ZNF519: variants seen among roughly 807,000 people sequenced by gnomAD.
The protein encoded by ZNF519 is zinc finger protein 519.
Under a neutral mutation model 7.4 loss-of-function variants are expected in ZNF519, and 7 were observed. The ratio of observed to expected loss-of-function variants is 0.94; its 90% confidence interval spans 0.54 to 1.77. ZNF519 has a LOEUF of 1.77. ZNF519 is among the 40% of genes most tolerant of loss of function. ZNF519 has a pLI of 0.00. For missense variants in ZNF519, 586 were observed against 623.1 expected, an observed-to-expected ratio of 0.94 and a Z score of 0.63; for synonymous variants, 179 against 203.3, an observed-to-expected ratio of 0.88 and a Z score of 1.02.
chr18:14,083,087 C>T (rs905817663), intron 3 of ZNF519, among the ~76,000 whole-genome samples: 6 of 152,288 alleles, frequency 3.9e-5, no homozygotes, highest in Admixed American at 6.5e-5. Context: ...CAGTGGCTCA[C>T]GCCTATAATC....
At chr18:14,109,168 A>C (rs1371609606) in intron 2 of ZNF519, among the ~76,000 whole-genome samples, 2 of 152,114 alleles carry the variant, frequency 1.3e-5, no homozygotes, top group South Asian at 4.1e-4. Context: ...AGAAGATATA[A>C]GAATGTTACA....
chr18:14,073,221 TG>T (rs1408793005), downstream of ZNF519: 1 of 151,738 alleles, frequency 6.6e-6, no homozygotes, highest in Non-Finnish European at 1.5e-5. Flanking sequence ...AAGAAAAGTT[TG>T]CATGGAAATT....
chr18:14,125,067 T>C (rs934784315), intron 1 of ZNF519, among the ~76,000 whole-genome samples: 5 of 152,108 alleles, frequency 3.3e-5, no homozygotes, highest in Non-Finnish European at 7.4e-5. Flanking sequence ...TTATAACAAG[T>C]CTCCTGTTAA....
chr18:14,106,409 G>A lies in ZNF519; in HGVS notation c.131C>T (p.Ala44Val). ...LENYRNLVSL[A>V]VYSYYNQGIL... ...GCCTTGGTTGTAATAAGAATACACA[G>A]CTGAAAGAAGTAAAAATAACTAATT... is the stretch of plus-strand genomic sequence containing the variant. Residue 44 changes from alanine to valine, a missense_variant and splice_region_variant, in exon 3 of 3, where the codon GCT becomes GTT. By Grantham distance (64) the Ala-to-Val change is moderately conservative (BLOSUM62 0). Transcript: ENST00000590202. 7.1e-6 allele frequency: 11 copies of A among 1,559,692 alleles called. No homozygotes were observed. The highest frequency in any genetic ancestry group is 4.5e-5 in the East Asian group (2 of 44,360).
intron 1 of ZNF519, among the ~76,000 whole-genome samples, chr18:14,131,512 T>C (rs1045365026): frequency 6.6e-6 from 1 of 152,166 alleles, no homozygotes; most frequent in Non-Finnish European, 1.5e-5. Flanking sequence ...ATTTGGAAAA[T>C]GCAGGCGAAA....
chr18:14,118,236 T>C (rs1465390739), intron 2 of ZNF519, among the ~76,000 whole-genome samples: 1 of 152,008 alleles, frequency 6.6e-6, no homozygotes, highest in African/African-American at 2.4e-5. Flanking sequence ...TTTTTTTTAT[T>C]TTTAATAGAG....
rs141337594 is a variant in ZNF519, at chr18:14,101,760, T to C, written c.*3157A>G. ...AGTGTCCATCAGTTCTTTGATGATG[T>C]TCTGTGTGGAGCTCTGCAAAGACAA... On this transcript the variant is annotated 3_prime_UTR_variant, in exon 3 of 3. Transcript: ENST00000590202. 3.1e-3 allele frequency: 1,236 copies of C among 398,674 alleles called. 3 individuals are homozygous for C. Among genetic ancestry groups the C allele is most frequent in the Non-Finnish European group, 4.6e-3 (1,034 of 226,112 alleles). The allele number at this position is 398,674 out of a possible 1,614,324, so 24.7% of individuals were successfully genotyped here.
At chr18:14,076,996 G>A (rs1485870839) in exon 5 of ZNF519, 2 of 151,956 alleles carry the variant, frequency 1.3e-5, no homozygotes, top group African/African-American at 2.4e-5. Flanking sequence ...ACACACTATC[G>A]AAGGCATGAA....
chr18:14,086,679 C>G (rs146568557), intron 2 of ZNF519, among the ~76,000 whole-genome samples: 175 of 152,262 alleles, frequency 1.1e-3, no homozygotes, highest in Non-Finnish European at 1.8e-3. Context: ...ACGTGCAAAC[C>G]CAGTGGGATG....
At chr18:14,077,872 C>A (rs1244416311) in intron 4 of ZNF519, among the ~76,000 whole-genome samples, 1 of 152,156 alleles carries the variant, frequency 6.6e-6, no homozygotes, top group Admixed American at 6.5e-5. Context: ...GAAATGGGAT[C>A]ATACAATAGA....
At chr18:14,076,629 G>A (rs2046048796) in exon 5 of ZNF519, 1 of 152,062 alleles carries the variant, frequency 6.6e-6, no homozygotes, top group Admixed American at 6.5e-5. Context: ...CTATGTAAAA[G>A]GGAAACTGGA....
downstream of ZNF519, among the ~76,000 whole-genome samples, chr18:14,095,909 C>G (rs545709509): frequency 5.1e-4 from 77 of 152,374 alleles, no homozygotes; most frequent in African/African-American, 1.8e-3. Flanking sequence ...CAACACAGCC[C>G]TGGGTGCTCT....
chr18:14,128,106 G>A (rs1450044632), intron 1 of ZNF519, among the ~76,000 whole-genome samples: 4 of 151,868 alleles, frequency 2.6e-5, no homozygotes, highest in South Asian at 4.2e-4. Flanking sequence ...TGGCGAACAC[G>A]GTGAAACCCC....
intron 2 of ZNF519, among the ~76,000 whole-genome samples, chr18:14,118,843 T>C (rs1237953887): frequency 1.3e-5 from 2 of 152,148 alleles, no homozygotes; most frequent in African/African-American, 4.8e-5. Context: ...GAAGCAGCCC[T>C]GTAACTCAGT....
rs1424547449 is a variant in ZNF519, at chr18:14,103,561, C to A, written c.*1356G>T. ...TCAGAGAAATTCATAGCAGTAAACA[C>A]CTACATTAAAAACAAACAATTTTAA... On this transcript the variant is annotated 3_prime_UTR_variant, in exon 3 of 3. Coordinates refer to ENST00000590202, the MANE Select transcript of ZNF519 (RefSeq NM_145287.4). The A allele has an allele frequency of 6.6e-6, 1 of 151,996 alleles. No individual in the cohort carries two copies. Among genetic ancestry groups the A allele is most frequent in the African/African-American group, 2.4e-5 (1 of 41,388 alleles). The allele number at this position is 151,996 out of a possible 1,614,324, so 9.4% of individuals were successfully genotyped here. A position where few individuals can be genotyped will look rare whatever the true frequency, so the allele number is the denominator to read the frequency against.
rs1355184273 is a variant in ZNF519 at position 14,125,825 on chromosome 18, C to T, written c.4-1349G>A. On this transcript the variant is annotated intron_variant, in intron 1 of 2. Coordinates refer to ENST00000590202, the MANE Select transcript of ZNF519 (RefSeq NM_145287.4). ...TCAACCTCCCAAATAGCTGGGATTA[C>T]GGGTGCCCACCACCGCACCCAGCTA... 4.6e-5 allele frequency among the ~76,000 whole-genome samples: 7 copies of T among 152,152 alleles called. No homozygotes were observed. The East Asian group carries it at 5.8e-4, about 13-fold the overall frequency.
At chr18:14,111,209 A>T (rs2046219119) in intron 2 of ZNF519, among the ~76,000 whole-genome samples, 1 of 151,346 alleles carries the variant, frequency 6.6e-6, no homozygotes, top group African/African-American at 2.4e-5. Context: ...GACTAAGAAA[A>T]AAAAAGAAAA....
At chr18:14,080,800 T>A (rs1464282198) in intron 3 of ZNF519, among the ~76,000 whole-genome samples, 1 of 152,190 alleles carries the variant, frequency 6.6e-6, no homozygotes, top group Non-Finnish European at 1.5e-5. Context: ...AGTAGATAAA[T>A]GGATAAACGA....
At position 14,106,362 on chromosome 18, in the gene ZNF519, G is replaced by A. The variant is rs760357381; in HGVS notation, c.178C>T (p.Gln60Ter). ...AGTGTTGCTTTTTTGAATGAATCTT[G>A]TATGCCTTGCTCTGGTAAAATGCCT... ...NQGILPEQGIQDSFKKATLGR... is the reference protein window; with the variant it reads ...NQGILPEQGI Residue 60 changes from glutamine (Q) to a stop codon, truncating the protein, a stop_gained, in exon 3 of 3, where the codon CAA becomes TAA. Transcript: ENST00000590202. LOFTEE classifies it low-confidence loss of function (END_TRUNC). 1.9e-6 allele frequency: 3 copies of A among 1,611,500 alleles called. No individual in the cohort carries two copies. Among genetic ancestry groups the A allele is most frequent in the African/African-American group, 1.3e-5 (1 of 74,542 alleles).
Sources: allele counts gnomAD v4.1 joint callset (sites outside exome capture counted in the v4.1 genomes callset), GRCh38; gene constraint gnomAD v4.1.1; transcripts MANE v1.5; gene names NCBI Gene and HGNC (gene_info 2026-07-23, HGNC 2026-07-21).